The following ITGB2 variants were observed in gnomAD, a reference collection of about 807,000 sequenced individuals.
The protein encoded by ITGB2 is integrin beta-2.
Under a neutral mutation model 86.8 loss-of-function variants are expected in ITGB2, and 56 were observed. The ratio of observed to expected loss-of-function variants is 0.65; its 90% CI spans 0.52 to 0.81. The LOEUF (loss-of-function observed/expected upper bound fraction) is 0.81, where lower values mean the gene tolerates loss of function less well. Among genes scored for constraint, ITGB2 ranks in the 30% least tolerant of loss-of-function variants. The pLI, the probability that ITGB2 is intolerant of heterozygous loss-of-function variation, is 0.00. For synonymous variants in ITGB2, 457 were observed against 450.4 expected, an observed-to-expected ratio of 1.01 and a Z score of -0.19; for missense variants, 948 against 1,061.2, an observed-to-expected ratio of 0.89 and a Z score of 1.48.
chr21:44,895,138 G>A, intron 8 of ITGB2, 78 bp from the exon 9 acceptor site: 2 of 1,069,936 alleles, frequency 1.9e-6, no homozygotes, highest in Non-Finnish European at 2.9e-6. Flanking sequence ...TCACCCCAGG[G>A]GCTTCTGCAC....
chr21:44,920,220 C>T (rs1276526576), intron 1 of ITGB2, among the ~76,000 whole-genome samples: 1 of 152,182 alleles, frequency 6.6e-6, no homozygotes, highest in East Asian at 1.9e-4. Flanking sequence ...CACATGCGCA[C>T]ACTCGCACAC....
chr21:44,915,049 C>T (rs548967739), intron 1 of ITGB2, among the ~76,000 whole-genome samples: 7 of 152,016 alleles, frequency 4.6e-5, no homozygotes, highest in Non-Finnish European at 8.8e-5. Context: ...TTTTTTGAGA[C>T]GGAGTTGCGC....
chr21:44,927,453 A>G (rs2084387909), intron 1 of ITGB2, among the ~76,000 whole-genome samples: 1 of 152,032 alleles, frequency 6.6e-6, no homozygotes, highest in Non-Finnish European at 1.5e-5. Flanking sequence ...CACCCCCACG[A>G]GGACCCTGGG....
At chr21:44,886,595 G>A (rs892214001) in intron 15 of ITGB2, 141 bp downstream of exon 15, 137 of 1,419,012 alleles carry the variant, frequency 9.7e-5, no homozygotes, top group Admixed American at 2.4e-4. Context: ...CACCCACAGC[G>A]GCGGACGCCC....
In ITGB2 at chr21:44,901,561, C is replaced by T. The variant is rs1601305564; in HGVS notation, c.672G>A (p.Gln224=). 6.2e-7 allele frequency: 1 copy of T among 1,614,288 alleles called. No individual in the cohort carries two copies. Among genetic ancestry groups the T allele is most frequent in the Non-Finnish European group, 8.5e-7 (1 of 1,180,056 alleles). Residue 224 remains glutamine (Q), a synonymous_variant, in exon 6 of 16, where the codon CAG becomes CAA. Transcript: ENST00000652462. ...GTGCATCCAGGTTTCCGGAAATCAG[C>T]TGCTTCCCGACCTCGGTCTGAAACT... The part of the protein sequence containing the change: ...SNQFQTEVGK[Q]LISGNLDAPE...
chr21:44,918,006 T>A (rs2084236745), intron 1 of ITGB2, among the ~76,000 whole-genome samples: 1 of 152,178 alleles, frequency 6.6e-6, no homozygotes, highest in African/African-American at 2.4e-5. Context: ...ACCTAATCAA[T>A]GCCCCGTGTC....
upstream of ITGB2, among the ~76,000 whole-genome samples, chr21:44,923,159 G>A (rs2084330505): frequency 6.6e-6 from 1 of 152,148 alleles, no homozygotes; most frequent in African/African-American, 2.4e-5. Flanking sequence ...GCATCAGGAG[G>A]GTGTGTTAGA....
chr21:44,887,520 C>A (rs1167401368), intron 14 of ITGB2, among the ~76,000 whole-genome samples: 1 of 152,062 alleles, frequency 6.6e-6, no homozygotes, highest in African/African-American at 2.4e-5. Flanking sequence ...ACTCCCTGTA[C>A]CCCTCCTGCC....
upstream of ITGB2, among the ~76,000 whole-genome samples, chr21:44,921,502 T>G (rs1447129622): frequency 6.6e-6 from 1 of 151,368 alleles, no homozygotes; most frequent in Non-Finnish European, 1.5e-5. Flanking sequence ...CAGGGATGGA[T>G]GGATGAGGTC....
intron 11 of ITGB2, among the ~76,000 whole-genome samples, 183 bp from the exon 12 acceptor site, chr21:44,890,405 C>T (rs111543862): frequency 9.9e-5 from 15 of 152,238 alleles, no homozygotes; most frequent in African/African-American, 3.1e-4. Context: ...AGGGGCCCCG[C>T]GTTCCCTCCC....
chr21:44,916,736 CGG>C (rs2084216616), intron 1 of ITGB2, among the ~76,000 whole-genome samples: 1 of 151,820 alleles, frequency 6.6e-6, no homozygotes, highest in Non-Finnish European at 1.5e-5. Context: ...GGCTTGGTGG[CGG>C]GCGCCTGTAA....
At chr21:44,911,704 C>T (rs1279993067) in intron 1 of ITGB2, among the ~76,000 whole-genome samples, 6 of 152,254 alleles carry the variant, frequency 3.9e-5, no homozygotes, top group Admixed American at 2.6e-4. Flanking sequence ...CCTTAACCCA[C>T]GCATCCACAG....
intron 3 of ITGB2, chr21:44,907,877 G>A: frequency 1.7e-6 from 1 of 590,340 alleles, no homozygotes; most frequent in South Asian, 2.1e-5. Flanking sequence ...TCTGACTTTT[G>A]GAACCACAGA....
At chr21:44,899,202 G>T in intron 7 of ITGB2, 40 bp from the exon 8 acceptor site, 1 of 1,482,384 alleles carries the variant, frequency 6.7e-7, no homozygotes, top group South Asian at 1.1e-5. Flanking sequence ...CCCGAGTCCA[G>T]GACAAGGCTT....
rs2083819172 is a variant in ITGB2 at position 44,893,426 on chromosome 21, T to C, written c.1202A>G (p.Asp401Gly). 6.2e-7 allele frequency: 1 copy of C among 1,614,092 alleles called. No homozygotes were observed. The highest frequency in any genetic ancestry group is 1.7e-5 in the Admixed American group (1 of 60,028). ...THRNQPRGDC[D>G]GVQINVPITF... The stretch of plus-strand genomic sequence containing the variant: ...CACCGGGACATTGATCTGCACGCCA[T>C]CACAGTCACCTCTGGGCTGGTTCCT... Residue 401 changes from aspartate to glycine, a missense_variant, in exon 10 of 16, where the codon GAT becomes GGT. Physicochemically the swap from Asp to Gly is moderately conservative, Grantham distance 94. Coordinates refer to ENST00000652462, the MANE Select transcript of ITGB2 (RefSeq NM_000211.5).
chr21:44,901,787 G>T, intron 5 of ITGB2, 54 bp from the exon 6 acceptor site: 1 of 1,573,578 alleles, frequency 6.4e-7, no homozygotes, highest in Non-Finnish European at 8.6e-7. Flanking sequence ...CAGGTGGGAG[G>T]GCCAGCTTCA....
At chr21:44,914,423 C>T (rs1021949954) in intron 1 of ITGB2, 14 of 152,292 alleles carry the variant, frequency 9.2e-5, no homozygotes, top group Admixed American at 7.9e-4. Flanking sequence ...CATCCTTCCC[C>T]GGAGAACCCC....
Position 44,889,406 on chromosome 21 carries a change from G to A in ITGB2, c.1747C>T (p.Leu583=), listed in dbSNP as rs1378510054. ...CTACACTCAACACGCCGCGGGTTCAGGCAGCCCTCAGTGGTCCTCTCGCAC... is the reference window on the plus strand; with the variant it reads ...CTACACTCAACACGCCGCGGGTTCAAGCAGCCCTCAGTGGTCCTCTCGCAC... ...CQCERTTEGC[L]NPRRVECSGR... is the part of the protein sequence containing the mutation. Residue 583 remains leucine, a synonymous_variant, in exon 13 of 16, where the codon CTG becomes TTG. Transcript: ENST00000652462. 1.9e-6 allele frequency: 3 copies of A among 1,612,562 alleles called. No individual in the cohort carries two copies. Among genetic ancestry groups the A allele is most frequent in the Non-Finnish European group, 2.5e-6 (3 of 1,179,698 alleles).
At position 44,889,274 on chromosome 21, in the gene ITGB2, A is replaced by G. The variant is rs483352818; in HGVS notation, c.1877+2T>C. 1 of 1,612,452 alleles carries G rather than the reference A, an allele frequency of 6.2e-7. No homozygotes were observed. Among genetic ancestry groups the G allele is most frequent in the Non-Finnish European group, 8.5e-7 (1 of 1,179,690 alleles). On this transcript the variant is annotated splice_donor_variant, in intron 13 of 15. Transcript: ENST00000652462. LOFTEE classifies it high-confidence loss of function. ...CGCCCTGCCTGCTCCGCCTGCACTCACATGTACTTGCCACAGGGTGAGGGG... is the reference window on the plus strand; with the variant it reads ...CGCCCTGCCTGCTCCGCCTGCACTCGCATGTACTTGCCACAGGGTGAGGGG...
Sources: allele counts gnomAD v4.1 joint callset (sites outside exome capture counted in the v4.1 genomes callset), GRCh38; gene constraint gnomAD v4.1.1; transcripts MANE v1.5; gene names NCBI Gene and HGNC (gene_info 2026-07-23, HGNC 2026-07-21).